Variants in KCNB2 observed in about 807,000 individuals in gnomAD.
The protein encoded by KCNB2 is delayed rectifier potassium channel protein.
Under a neutral mutation model 61.5 loss-of-function variants are expected in KCNB2, and 15 were observed. The observed-to-expected ratio is 0.24, with a 90% CI of 0.16 to 0.38. The LOEUF (loss-of-function observed/expected upper bound fraction) is 0.38, where lower values mean the gene tolerates loss of function less well. Ranked by LOEUF, KCNB2 falls within the 10% of genes least tolerant of loss-of-function variation. The pLI is 1.00. For missense variants in KCNB2, 828 were observed against 1,125.2 expected (o/e 0.74, Z 3.78); for synonymous variants, 457 against 446.0 (o/e 1.02, Z -0.31).
At chr8:72,690,380 T>G (rs1806920818) in intron 2 of KCNB2, among the ~76,000 whole-genome samples, 1 of 152,216 alleles carries the variant, frequency 6.6e-6, no homozygotes, top group South Asian at 2.1e-4. Flanking sequence ...ATGTCATCAG[T>G]TAAATAAACT....
intron 2 of KCNB2, among the ~76,000 whole-genome samples, chr8:72,692,956 AGTTTT>A (rs947489872): frequency 2.6e-5 from 4 of 151,930 alleles, no homozygotes; most frequent in Non-Finnish European, 5.9e-5. Context: ...GAGTCTCATG[AGTTTT>A]GTTTTGTTTT....
At chr8:72,794,426 G>T (rs377106789) in intron 2 of KCNB2, among the ~76,000 whole-genome samples, 1 of 151,824 alleles carries the variant, frequency 6.6e-6, no homozygotes, top group Non-Finnish European at 1.5e-5. Flanking sequence ...TTAGCCGGGC[G>T]TGGTGGCACG....
rs746902564 is a variant in KCNB2 at position 72,799,469 on chromosome 8, C to A, written c.580-136466C>A. ...GTTTTCAGAACTCCACAAAACATAG[C>A]GATATTCACACTTTTAAACAAAAAT... On this transcript the variant is annotated intron_variant, in intron 2 of 2. Coordinates refer to ENST00000523207, the MANE Select transcript of KCNB2 (RefSeq NM_004770.3). Among the ~76,000 whole-genome samples, 3 of 151,956 alleles carry A rather than the reference C, an allele frequency of 2.0e-5. 1 individual carries two copies. Among genetic ancestry groups the A allele is most frequent in the Non-Finnish European group, 2.9e-5 (2 of 68,004 alleles).
At chr8:72,886,661 G>A (rs1805811571) in intron 2 of KCNB2, among the ~76,000 whole-genome samples, 1 of 152,180 alleles carries the variant, frequency 6.6e-6, no homozygotes, top group Non-Finnish European at 1.5e-5. Context: ...TCCCCACAAA[G>A]CCTAGAGCTG....
intron 1 of KCNB2, among the ~76,000 whole-genome samples, chr8:72,561,773 A>ATACG (rs1806535409): frequency 4.2e-5 from 1 of 24,062 alleles, no homozygotes; most frequent in African/African-American, 1.9e-4. Context: ...ATATATATAT[A>ATACG]TATGGATATA....
chr8:72,597,326 G>A (rs766059598), intron 2 of KCNB2, among the ~76,000 whole-genome samples: 1 of 151,970 alleles, frequency 6.6e-6, no homozygotes, highest in Admixed American at 6.6e-5. Flanking sequence ...GAGCCACCAC[G>A]CCTGGCCCAT....
chr8:72,612,944 T>A lies in KCNB2; in HGVS notation c.579+44631T>A, dbSNP rs553552095. On this transcript the variant is annotated intron_variant, in intron 2 of 2. Transcript: ENST00000523207. ...TAAATATGACAATATTGTTAGAAGA[T>A]ATGCTCTCCTGTGGAAATAACATTT... Among the ~76,000 whole-genome samples the A allele has an allele frequency of 2.4e-4, 37 of 152,352 alleles. 2 individuals carry two copies. The South Asian group carries it at 7.5e-3, about 31-fold the overall frequency.
At chr8:72,727,519 A>C (rs1807673182) in intron 2 of KCNB2, among the ~76,000 whole-genome samples, 1 of 152,210 alleles carries the variant, frequency 6.6e-6, no homozygotes, top group Non-Finnish European at 1.5e-5. Context: ...TAGAGCTACC[A>C]GTCTATGTAT....
intron 2 of KCNB2, among the ~76,000 whole-genome samples, chr8:72,581,711 GT>G (rs1806901237): frequency 6.6e-6 from 1 of 152,208 alleles, no homozygotes. Flanking sequence ...ACAGATGTGG[GT>G]TTTACATTTT....
At chr8:72,540,782 A>G (rs533541121) in intron 1 of KCNB2, among the ~76,000 whole-genome samples, 12 of 150,936 alleles carry the variant, frequency 8.0e-5, no homozygotes, top group African/African-American at 2.7e-4. Context: ...TGTAAGCCAA[A>G]CCCTCTTATA....
chr8:72,686,276 C>T (rs565249139), intron 2 of KCNB2, among the ~76,000 whole-genome samples: 6 of 152,208 alleles, frequency 3.9e-5, no homozygotes, highest in Admixed American at 6.5e-5. Context: ...GTAGCCTGGG[C>T]GACCAGTGTC....
intron 2 of KCNB2, among the ~76,000 whole-genome samples, chr8:72,584,838 G>A (rs1229782914): frequency 6.6e-6 from 1 of 152,044 alleles, no homozygotes; most frequent in Non-Finnish European, 1.5e-5. Context: ...GCCCAGATTT[G>A]GAGTTGCTAA....
At chr8:72,740,233 G>C (rs770343766) in intron 2 of KCNB2, among the ~76,000 whole-genome samples, 3 of 152,164 alleles carry the variant, frequency 2.0e-5, no homozygotes, top group Non-Finnish European at 2.9e-5. Flanking sequence ...AACAGGTACT[G>C]TTTTTATTGA....
At chr8:72,925,497 A>G (rs1370817249) in intron 2 of KCNB2, among the ~76,000 whole-genome samples, 1 of 152,248 alleles carries the variant, frequency 6.6e-6, no homozygotes, top group Non-Finnish European at 1.5e-5. Flanking sequence ...CTCATGTACC[A>G]ATGAACTGTT....
chr8:72,759,047 A>G (rs1808336765), intron 2 of KCNB2, among the ~76,000 whole-genome samples: 1 of 152,178 alleles, frequency 6.6e-6, no homozygotes, highest in African/African-American at 2.4e-5. Flanking sequence ...GTGTTTAATG[A>G]ACTTAGTCTG....
intron 2 of KCNB2, among the ~76,000 whole-genome samples, chr8:72,925,666 T>C (rs1187993493): frequency 2.0e-5 from 3 of 152,178 alleles, no homozygotes; most frequent in Non-Finnish European, 4.4e-5. Flanking sequence ...AGTTCAACCA[T>C]TGTGGAAGGC....
At chr8:72,853,992 A>T (rs1810164349) in intron 2 of KCNB2, among the ~76,000 whole-genome samples, 1 of 152,232 alleles carries the variant, frequency 6.6e-6, no homozygotes, top group African/African-American at 2.4e-5. Flanking sequence ...AATAATTTTT[A>T]AAAAGTGACA....
intron 2 of KCNB2, among the ~76,000 whole-genome samples, chr8:72,743,153 G>A (rs775915682): frequency 6.6e-6 from 1 of 152,224 alleles, no homozygotes; most frequent in Non-Finnish European, 1.5e-5. Flanking sequence ...GATGGCCTCA[G>A]CCTGTTCATA....
chr8:72,651,529 C>T (rs1806210435), intron 2 of KCNB2, among the ~76,000 whole-genome samples: 1 of 152,000 alleles, frequency 6.6e-6, no homozygotes, highest in Non-Finnish European at 1.5e-5. Flanking sequence ...ACTTTTTGCC[C>T]CCCAAAGTCA....
Sources: allele counts gnomAD v4.1 joint callset (sites outside exome capture counted in the v4.1 genomes callset), GRCh38; gene constraint gnomAD v4.1.1; transcripts MANE v1.5; gene names NCBI Gene and HGNC (gene_info 2026-07-23, HGNC 2026-07-21).